CNOT10: variants seen among roughly 807,000 people sequenced by gnomAD.
CNOT10 encodes the protein CCR4-NOT transcription complex subunit 10.
A neutral mutation model predicts 94.6 loss-of-function variants in CNOT10; 30 were observed. The ratio of observed to expected loss-of-function variants is 0.32; its 90% CI spans 0.24 to 0.43. The LOEUF is 0.43. Among genes scored for constraint, CNOT10 ranks in the 20% least tolerant of loss-of-function variants. The pLI is 1.00. For synonymous variants in CNOT10, 289 were observed against 301.6 expected (o/e 0.96, Z 0.43); for missense variants, 759 against 877.2 (o/e 0.87, Z 1.70).
In CNOT10 at chr3:32,766,162, C is replaced by T. The variant is rs181423147; in HGVS notation, c.2004+1353C>T. On this transcript the variant is annotated intron_variant, in intron 17 of 18. Coordinates refer to ENST00000328834, the MANE Select transcript of CNOT10 (RefSeq NM_015442.3). Reference sequence around the variant, plus strand: ...CTGGGATTACAGGCATGTACCACCACGCCCGGCTAATTTTGTATTTTTAAT... The same window carrying T: ...CTGGGATTACAGGCATGTACCACCATGCCCGGCTAATTTTGTATTTTTAAT... Among the ~76,000 whole-genome samples the T allele has an allele frequency of 5.7e-3, 262 of 46,024 alleles. 110 individuals are homozygous for T. Among genetic ancestry groups the T allele is most frequent in the African/African-American group, 0.016 (235 of 14,588 alleles). The allele number at this position is 46,024 out of a possible 152,430, so 30.2% of individuals were successfully genotyped here.
chr3:32,767,337 G>A (rs1482881190), intron 17 of CNOT10, among the ~76,000 whole-genome samples: 1 of 152,064 alleles, frequency 6.6e-6, no homozygotes, highest in East Asian at 1.9e-4. Flanking sequence ...TTACCAACAT[G>A]GAGAAATCCT....
chr3:32,710,581 G>A (rs1697840676), intron 4 of CNOT10, among the ~76,000 whole-genome samples: 1 of 152,092 alleles, frequency 6.6e-6, no homozygotes, highest in African/African-American at 2.4e-5. Flanking sequence ...GTATCATACA[G>A]AGTATTTTTC....
chr3:32,768,480 G>A (rs1263557118), intron 17 of CNOT10, among the ~76,000 whole-genome samples: 4 of 152,074 alleles, frequency 2.6e-5, no homozygotes, highest in Non-Finnish European at 5.9e-5. Flanking sequence ...CTACTTGGGA[G>A]GCTGAGGCAG....
At chr3:32,721,402 T>A (rs994480134) in intron 8 of CNOT10, among the ~76,000 whole-genome samples, 2 of 146,872 alleles carry the variant, frequency 1.4e-5, no homozygotes, top group Admixed American at 1.4e-4. Flanking sequence ...TTTTGCTTTG[T>A]GAAGTGAGAC....
chr3:32,773,338 G>C (rs1452494002), intron 18 of CNOT10, 119 bp from the exon 19 acceptor site: 1 of 1,032,080 alleles, frequency 9.7e-7, no homozygotes, highest in East Asian at 2.6e-5. Context: ...TACAGCCAAG[G>C]CTGCAGATGA....
chr3:32,712,540 G>A (rs1040514527), intron 4 of CNOT10, among the ~76,000 whole-genome samples: 1 of 152,098 alleles, frequency 6.6e-6, no homozygotes, highest in African/African-American at 2.4e-5. Flanking sequence ...AGCATCATTG[G>A]TGCTCAACAA....
rs1322052861 is a variant in CNOT10, at chr3:32,773,740, T to C, written c.*129T>C. On this transcript the variant is annotated 3_prime_UTR_variant, in exon 19 of 19. Transcript: ENST00000328834. ...TTTTGAGTCAATTCTACCCCTGACA[T>C]TTGGCCAAAAGCTTACTTAAAATTA... 1 of 889,220 alleles carries C rather than the reference T, an allele frequency of 1.1e-6. No homozygotes were observed. The highest frequency in any genetic ancestry group is 1.7e-5 in the African/African-American group (1 of 57,678). The allele number at this position is 889,220 out of a possible 1,614,324, so 55.1% of individuals were successfully genotyped here. A position where few individuals can be genotyped will look rare whatever the true frequency, so the allele number is the denominator to read the frequency against.
intron 9 of CNOT10, 113 bp from the exon 10 acceptor site, chr3:32,727,555 A>G (rs1698734367): frequency 1.4e-6 from 1 of 702,324 alleles, no homozygotes; most frequent in South Asian, 1.7e-5. Flanking sequence ...AACTCAGATC[A>G]GGATTATTGG....
At chr3:32,700,780 AC>A (rs1314932691) in intron 1 of CNOT10, among the ~76,000 whole-genome samples, 7 of 152,134 alleles carry the variant, frequency 4.6e-5, no homozygotes, top group Non-Finnish European at 8.8e-5. Flanking sequence ...CATTGCCATC[AC>A]CTACCTATGT....
At chr3:32,762,694 GT>G (rs769010105) in intron 14 of CNOT10, 38 bp from the exon 15 acceptor site, 1 of 1,571,632 alleles carries the variant, frequency 6.4e-7, no homozygotes. Context: ...TTTTTGTGAC[GT>G]TGTACTTTTC....
At chr3:32,731,124 G>A (rs1000240792) in intron 10 of CNOT10, 1 of 152,126 alleles carries the variant, frequency 6.6e-6, no homozygotes, top group Non-Finnish European at 1.5e-5. Flanking sequence ...AAGTCAGAAC[G>A]GAAGTCCTCA....
intron 1 of CNOT10, among the ~76,000 whole-genome samples, chr3:32,692,338 C>G (rs1696888144): frequency 6.6e-6 from 1 of 152,136 alleles, no homozygotes. Flanking sequence ...TGAAGGAATC[C>G]TCCCAGCTTG....
intron 1 of CNOT10, among the ~76,000 whole-genome samples, chr3:32,696,013 G>GTGTGTA (rs1553628299): frequency 8.0e-5 from 11 of 138,024 alleles, no homozygotes; most frequent in African/African-American, 2.9e-4. Context: ...GTGTGTGTGT[G>GTGTGTA]TGTATTTGAA....
chr3:32,734,941 G>C lies in CNOT10; in HGVS notation c.1479G>C (p.Gly493=), dbSNP rs1699116024. ...NGAKNSNQLG[G]NTESSESSET... ...CTAAAAATAGTAATCAATTAGGTGG[G>C]AACACAGAGAGCAGCGAAAGCAGTG... The change falls in exon 12 of 19, where the codon GGG becomes GGC. Residue 493 remains glycine, a synonymous_variant. Coordinates refer to ENST00000328834, the MANE Select transcript of CNOT10 (RefSeq NM_015442.3). 2 of 1,613,890 alleles carry C rather than the reference G, an allele frequency of 1.2e-6. No homozygotes were observed. Among genetic ancestry groups the C allele is most frequent in the African/African-American group, 1.3e-5 (1 of 74,912 alleles).
chr3:32,734,839 G>A lies in CNOT10; in HGVS notation c.1377G>A (p.Glu459=), dbSNP rs1231839111. ...QSSAIPVASM[E]FAAICLRNAL... ...CGGCCATTCCTGTAGCCAGTATGGA[G>A]TTTGCAGCCATATGTCTCAGAAATG... The change falls in exon 12 of 19, where the codon GAG becomes GAA. Residue 459 remains glutamate (E), a synonymous_variant. Coordinates refer to ENST00000328834, the MANE Select transcript of CNOT10 (RefSeq NM_015442.3). 3.1e-6 allele frequency: 5 copies of A among 1,613,872 alleles called. No individual in the cohort carries two copies. The African/African-American group carries it at 5.3e-5, about 17-fold the overall frequency.
chr3:32,693,636 G>A (rs1696935550), intron 1 of CNOT10: 1 of 151,364 alleles, frequency 6.6e-6, no homozygotes, highest in African/African-American at 2.4e-5. Context: ...TGACTTCCCA[G>A]GCTCAAGCGA....
At chr3:32,699,533 C>T (rs1319266092) in intron 1 of CNOT10, among the ~76,000 whole-genome samples, 2 of 152,172 alleles carry the variant, frequency 1.3e-5, no homozygotes, top group Non-Finnish European at 2.9e-5. Flanking sequence ...GTTTGAGGAA[C>T]ACTGTGAAGG....
intron 4 of CNOT10, among the ~76,000 whole-genome samples, 171 bp from the exon 5 acceptor site, chr3:32,713,056 T>C (rs1697959934): frequency 6.6e-6 from 1 of 152,232 alleles, no homozygotes. Flanking sequence ...TAAAATGACA[T>C]TGTTGGCATT....
Position 32,773,694 on chromosome 3 carries a change from A to G in CNOT10, c.*83A>G. The G allele has an allele frequency of 7.3e-7, 1 of 1,372,952 alleles. No homozygotes were observed. Among genetic ancestry groups the G allele is most frequent in the Non-Finnish European group, 9.8e-7 (1 of 1,020,582 alleles). 85.0% of individuals were successfully genotyped at this position (1,372,952 alleles called of 1,614,324 possible). A position where few individuals can be genotyped will look rare whatever the true frequency, so the allele number is the denominator to read the frequency against. ...TAGTTGTATCACAGCAGAATGAATA[A>G]AAGATGGTGAAGGCTGTTAATTTTG... On this transcript the variant is annotated 3_prime_UTR_variant, in exon 19 of 19. Transcript: ENST00000328834.
Sources: allele counts gnomAD v4.1 joint callset (sites outside exome capture counted in the v4.1 genomes callset), GRCh38; gene constraint gnomAD v4.1.1; transcripts MANE v1.5; gene names NCBI Gene and HGNC (gene_info 2026-07-23, HGNC 2026-07-21).